KALRN: variants seen among roughly 807,000 people sequenced by gnomAD.
The protein encoded by KALRN is kalirin.
A neutral mutation model predicts 353.7 loss-of-function variants in KALRN; 70 were observed. The ratio of observed to expected loss-of-function variants is 0.20; its 90% CI spans 0.16 to 0.24. The LOEUF (loss-of-function observed/expected upper bound fraction) is 0.24. Among genes scored for constraint, KALRN ranks in the 10% least tolerant of loss-of-function variants. The probability of loss-of-function intolerance (pLI) is 1.00; values close to 1 mark genes in which losing one functional copy is unlikely to be tolerated. For missense variants in KALRN, 2,791 were observed against 3,756.7 expected (o/e 0.74, Z 6.72); for synonymous variants, 1,391 against 1,434.8 (o/e 0.97, Z 0.69).
At chr3:124,448,678 C>T (rs1375521900) in intron 21 of KALRN, among the ~76,000 whole-genome samples, 2 of 151,986 alleles carry the variant, frequency 1.3e-5, no homozygotes, top group African/African-American at 4.8e-5. Flanking sequence ...GGATATGATC[C>T]AGCTCATCCC....
intron 6 of KALRN, among the ~76,000 whole-genome samples, chr3:124,320,730 T>C (rs775889524): frequency 6.6e-6 from 1 of 152,226 alleles, no homozygotes; most frequent in Non-Finnish European, 1.5e-5. Context: ...TGAAAGAGCA[T>C]GGCTCAGAAA....
In KALRN at chr3:124,605,552, G is replaced by A. The variant is rs150286743; in HGVS notation, c.5183-26868G>A. Among the ~76,000 whole-genome samples the A allele has an allele frequency of 2.8e-3, 394 of 139,798 alleles. 3 individuals are homozygous for A. Among genetic ancestry groups the A allele is most frequent in the African/African-American group, 9.9e-3 (360 of 36,190 alleles). 91.7% of individuals were successfully genotyped at this position (139,798 alleles called of 152,430 possible). On this transcript the variant is annotated intron_variant, in intron 34 of 59. Transcript: ENST00000682506. ...CACGCTATTGCACTCCAGCCTGGGC[G>A]AAGAAATGGGACTCCATCTAAAAAA...
intron 11 of KALRN, 136 bp from the exon 12 acceptor site, chr3:124,394,999 C>T (rs528835857): frequency 2.9e-5 from 18 of 627,052 alleles, no homozygotes; most frequent in Non-Finnish European, 4.8e-5. Context: ...CACAAACTGA[C>T]CCATAGTTGT....
At chr3:124,585,409 A>AT (rs2075067209) in intron 34 of KALRN, among the ~76,000 whole-genome samples, 1 of 152,062 alleles carries the variant, frequency 6.6e-6, no homozygotes, top group Non-Finnish European at 1.5e-5. Flanking sequence ...ACTGGAGCAC[A>AT]TTTTTTTCTG....
chr3:124,488,160 TG>T, intron 28 of KALRN, 43 bp from the exon 29 acceptor site: 1 of 1,208,764 alleles, frequency 8.3e-7, no homozygotes, highest in Non-Finnish European at 1.2e-6. Flanking sequence ...GGGAGGAAGC[TG>T]GGGGAGATGG....
chr3:124,683,809 C>T (rs1243457880), intron 51 of KALRN, among the ~76,000 whole-genome samples: 1 of 152,114 alleles, frequency 6.6e-6, no homozygotes, highest in Non-Finnish European at 1.5e-5. Context: ...GGAGAGGGCT[C>T]TGAAAGATTA....
intron 25 of KALRN, among the ~76,000 whole-genome samples, chr3:124,473,881 T>C (rs2061185307): frequency 6.6e-6 from 1 of 152,226 alleles, no homozygotes; most frequent in Admixed American, 6.5e-5. Flanking sequence ...CAAAGCCTCA[T>C]AATCACTTTT....
chr3:124,710,757 C>G (rs1169473778), intron 57 of KALRN, among the ~76,000 whole-genome samples: 2 of 152,220 alleles, frequency 1.3e-5, no homozygotes, highest in South Asian at 2.1e-4. Flanking sequence ...CTACTGCACT[C>G]AAGCGTGGGT....
chr3:124,428,922 A>C (rs1191343370), intron 15 of KALRN, among the ~76,000 whole-genome samples: 1 of 152,144 alleles, frequency 6.6e-6, no homozygotes, highest in Non-Finnish European at 1.5e-5. Context: ...CACTTGGAGA[A>C]GTGGTTTCTC....
intron 20 of KALRN, 142 bp from the exon 21 acceptor site, chr3:124,446,620 AC>A (rs2093848050): frequency 3.9e-6 from 4 of 1,017,562 alleles, no homozygotes; most frequent in Admixed American, 4.7e-5. Context: ...ATAAAAAAAA[AC>A]TCCAGAGCTA....
intron 10 of KALRN, among the ~76,000 whole-genome samples, chr3:124,371,474 G>A (rs1257266914): frequency 6.6e-6 from 1 of 152,012 alleles, no homozygotes; most frequent in South Asian, 2.1e-4. Context: ...TGGGTTGTAT[G>A]GTAATTGTAT....
At chr3:124,271,895 T>C (rs1258046345) in intron 5 of KALRN, among the ~76,000 whole-genome samples, 1 of 152,194 alleles carries the variant, frequency 6.6e-6, no homozygotes, top group African/African-American at 2.4e-5. Context: ...TACATAGGCT[T>C]GGAAAACAAT....
chr3:124,694,635 T>C, intron 53 of KALRN, 132 bp downstream of exon 53: 1 of 847,786 alleles, frequency 1.2e-6, no homozygotes. Context: ...GAGCCTGTTC[T>C]TGGGCAAACA....
At chr3:124,047,786 A>G (rs976357863) in intron 1 of KALRN, among the ~76,000 whole-genome samples, 1 of 151,896 alleles carries the variant, frequency 6.6e-6, no homozygotes, top group African/African-American at 2.4e-5. Context: ...TACAGGCATG[A>G]GCCACGGCGC....
intron 59 of KALRN, 91 bp from the exon 60 acceptor site, chr3:124,718,834 A>G: frequency 8.4e-7 from 1 of 1,190,612 alleles, no homozygotes. Flanking sequence ...AGAATAGCAT[A>G]ACTGTGTTTG....
At chr3:124,668,094 A>ACACACACACACG (rs2085894833) in intron 47 of KALRN, among the ~76,000 whole-genome samples, 3 of 131,472 alleles carry the variant, frequency 2.3e-5, no homozygotes, top group Non-Finnish European at 4.9e-5. Flanking sequence ...ACACACACAC[A>ACACACACACACG]ACCACCTTTG....
chr3:124,645,333 T>G (rs1450604910), intron 37 of KALRN, among the ~76,000 whole-genome samples: 1 of 152,220 alleles, frequency 6.6e-6, no homozygotes, highest in African/African-American at 2.4e-5. Flanking sequence ...TTAGTTTAAT[T>G]AGATCCCATT....
intron 33 of KALRN, among the ~76,000 whole-genome samples, chr3:124,540,519 G>T (rs1356927473): frequency 6.6e-6 from 1 of 152,208 alleles, no homozygotes; most frequent in Non-Finnish European, 1.5e-5. Flanking sequence ...CCATGCACAG[G>T]TATTTGAGAC....
At chr3:124,412,367 A>T (rs1181176254) in intron 13 of KALRN, among the ~76,000 whole-genome samples, 1 of 152,216 alleles carries the variant, frequency 6.6e-6, no homozygotes, top group East Asian at 1.9e-4. Context: ...CATCCTGGAA[A>T]TGTGTGACCT....
Sources: gnomAD v4.1 joint callset for allele counts (sites outside exome capture counted in the v4.1 genomes callset) on GRCh38, gnomAD v4.1.1 for gene constraint, MANE v1.5 for transcripts, NCBI Gene and HGNC (gene_info 2026-07-23, HGNC 2026-07-21) for gene names.